TRDN: variants seen among roughly 807,000 people sequenced by gnomAD.
The protein encoded by TRDN is triadin.
Under a neutral mutation model 149.7 loss-of-function variants are expected in TRDN, and 161 were observed. That is an observed-to-expected ratio of 1.08 (90% CI 0.95 to 1.23). The LOEUF (loss-of-function observed/expected upper bound fraction) is 1.23, where lower values mean the gene tolerates loss of function less well. Ranked by LOEUF, TRDN falls within the 50% of genes most tolerant of loss-of-function variation. The pLI, the probability that TRDN is intolerant of heterozygous loss-of-function variation, is 0.00. For missense variants in TRDN, 896 were observed against 823.5 expected (o/e 1.09, Z -1.08); for synonymous variants, 294 against 250.5 (o/e 1.17, Z -1.64).
chr6:123,542,739 C>T (rs1780899598), intron 4 of TRDN, among the ~76,000 whole-genome samples: 1 of 151,930 alleles, frequency 6.6e-6, no homozygotes, highest in Non-Finnish European at 1.5e-5. Context: ...GAGAAAAACA[C>T]TAAGATACCT....
chr6:123,285,881 C>G (rs897379661), intron 24 of TRDN, among the ~76,000 whole-genome samples: 2 of 151,922 alleles, frequency 1.3e-5, no homozygotes, highest in African/African-American at 2.4e-5. Context: ...ACAAATAATT[C>G]TCAAAAGAAG....
intron 33 of TRDN, among the ~76,000 whole-genome samples, chr6:123,260,884 A>G (rs1244808100): frequency 1.3e-5 from 2 of 151,666 alleles, no homozygotes; most frequent in East Asian, 3.9e-4. Flanking sequence ...GGTATATTTA[A>G]ATATTATAGA....
At chr6:123,324,041 C>G (rs567361291) in intron 23 of TRDN, among the ~76,000 whole-genome samples, 1 of 152,188 alleles carries the variant, frequency 6.6e-6, no homozygotes, top group South Asian at 2.1e-4. Context: ...AGCTAATGAG[C>G]CTGCTGACTT....
intron 9 of TRDN, among the ~76,000 whole-genome samples, chr6:123,492,520 T>C (rs976688521): frequency 6.6e-6 from 1 of 152,034 alleles, no homozygotes. Context: ...TAAGCCCAGA[T>C]AGAAGTTGGT....
intron 22 of TRDN, among the ~76,000 whole-genome samples, chr6:123,337,316 C>T (rs1297119512): frequency 2.0e-5 from 3 of 151,946 alleles, no homozygotes; most frequent in African/African-American, 7.2e-5. Context: ...GGGACAAGTG[C>T]TTCTTAATAT....
At chr6:123,552,505 A>C (rs1318830073) in intron 2 of TRDN, among the ~76,000 whole-genome samples, 1 of 152,126 alleles carries the variant, frequency 6.6e-6, no homozygotes, top group African/African-American at 2.4e-5. Context: ...TTGGCACACA[A>C]TGGTTACAAG....
At chr6:123,356,868 G>A (rs1481869552) in intron 20 of TRDN, among the ~76,000 whole-genome samples, 2 of 150,726 alleles carry the variant, frequency 1.3e-5, no homozygotes, top group African/African-American at 4.9e-5. Flanking sequence ...TACCTTCTCT[G>A]TTTTTTCTTA....
intron 5 of TRDN, among the ~76,000 whole-genome samples, chr6:123,518,267 T>C (rs1011125297): frequency 1.3e-5 from 2 of 152,204 alleles, no homozygotes; most frequent in Non-Finnish European, 2.9e-5. Context: ...CTCAGTTCAA[T>C]ATAAATAGCT....
chr6:123,218,389 C>A lies in TRDN; in HGVS notation c.*212G>T. 1 of 478,526 alleles carries A rather than the reference C, an allele frequency of 2.1e-6. No homozygotes were observed. The highest frequency in any genetic ancestry group is 3.7e-6 in the Non-Finnish European group (1 of 272,466). 29.6% of individuals were successfully genotyped at this position (478,526 alleles called of 1,614,324 possible). A position where few individuals can be genotyped will look rare whatever the true frequency, so the allele number is the denominator to read the frequency against. ...AAGCACCCCCTCCCACCGCAGCAAACACACATAACAGATTCTTGAGACTTA... is the reference window on the plus strand; with the variant it reads ...AAGCACCCCCTCCCACCGCAGCAAAAACACATAACAGATTCTTGAGACTTA... On this transcript the variant is annotated 3_prime_UTR_variant, in exon 41 of 41. Coordinates refer to ENST00000334268, the MANE Select transcript of TRDN (RefSeq NM_006073.4).
intron 38 of TRDN, 77 bp downstream of exon 38, chr6:123,252,335 A>G: frequency 1.1e-6 from 1 of 939,744 alleles, no homozygotes; most frequent in Non-Finnish European, 1.6e-6. Context: ...TCAAAAATAA[A>G]AATATTTTAT....
chr6:123,586,660 A>G (rs1248074665), intron 1 of TRDN, among the ~76,000 whole-genome samples: 1 of 152,126 alleles, frequency 6.6e-6, no homozygotes, highest in Non-Finnish European at 1.5e-5. Flanking sequence ...AAAATAAGAC[A>G]CTTAGATTTT....
Position 123,380,351 on chromosome 6 carries a change from G to A in TRDN, c.1186+1019C>T, listed in dbSNP as rs956681111. On this transcript the variant is annotated intron_variant, in intron 16 of 40. Transcript: ENST00000334268. ...TATATGTACTTTAATACTATTTTTCGAATCTCCAGTTGTTCTCCATTTTCC... is the reference window on the plus strand; with the variant it reads ...TATATGTACTTTAATACTATTTTTCAAATCTCCAGTTGTTCTCCATTTTCC... Among the ~76,000 whole-genome samples, 22 of 152,216 alleles carry A rather than the reference G, an allele frequency of 1.4e-4. 1 individual carries two copies. The highest frequency in any genetic ancestry group is 3.4e-3 in the Middle Eastern group (1 of 292).
At chr6:123,391,364 T>G (rs1414101482) in intron 13 of TRDN, among the ~76,000 whole-genome samples, 1 of 152,110 alleles carries the variant, frequency 6.6e-6, no homozygotes, top group African/African-American at 2.4e-5. Flanking sequence ...AGTATCATTT[T>G]TATTCTTTCC....
intron 9 of TRDN, among the ~76,000 whole-genome samples, chr6:123,475,823 A>G (rs1777445010): frequency 6.6e-6 from 1 of 151,972 alleles, no homozygotes; most frequent in Non-Finnish European, 1.5e-5. Context: ...GATTATCTCA[A>G]TAGATGCAGA....
chr6:123,527,844 T>C (rs180888432), intron 5 of TRDN, among the ~76,000 whole-genome samples: 198 of 151,882 alleles, frequency 1.3e-3, no homozygotes, highest in African/African-American at 4.5e-3. Context: ...CAAGGTCACA[T>C]ACAGTATTCT....
intron 20 of TRDN, among the ~76,000 whole-genome samples, chr6:123,364,417 T>A (rs1037914372): frequency 3.3e-5 from 5 of 152,102 alleles, no homozygotes; most frequent in African/African-American, 1.2e-4. Context: ...GGCGGGCAGA[T>A]CACAACGTCA....
chr6:123,219,774 A>T (rs1775079761), intron 40 of TRDN, among the ~76,000 whole-genome samples: 1 of 151,760 alleles, frequency 6.6e-6, no homozygotes, highest in African/African-American at 2.4e-5. Flanking sequence ...CAATAATACA[A>T]CTTCCGTCTC....
At chr6:123,540,643 C>T (rs1241586353) in intron 4 of TRDN, among the ~76,000 whole-genome samples, 2 of 152,154 alleles carry the variant, frequency 1.3e-5, no homozygotes, top group African/African-American at 2.4e-5. Flanking sequence ...CCTCAGCCTC[C>T]GAGTAGCTGG....
At chr6:123,523,484 G>A (rs1270827745) in intron 5 of TRDN, among the ~76,000 whole-genome samples, 1 of 152,124 alleles carries the variant, frequency 6.6e-6, no homozygotes. Flanking sequence ...GTTGGAAAAT[G>A]TCACTTTTAT....
Sources: gnomAD v4.1 joint callset for allele counts (sites outside exome capture counted in the v4.1 genomes callset) on GRCh38, gnomAD v4.1.1 for gene constraint, MANE v1.5 for transcripts, NCBI Gene and HGNC (gene_info 2026-07-23, HGNC 2026-07-21) for gene names.